The following INSR variants were observed in gnomAD, a reference collection of about 807,000 sequenced individuals.
INSR encodes the protein IR.
INSR carries 67 observed loss-of-function variants against 142.6 expected under a neutral mutation model. That is an observed-to-expected ratio of 0.47 (90% CI 0.39 to 0.58). The LOEUF (loss-of-function observed/expected upper bound fraction) is 0.58, where lower values mean the gene tolerates loss of function less well. Ranked by LOEUF, INSR falls within the 20% of genes least tolerant of loss-of-function variation. The pLI is 0.00. For synonymous variants in INSR, 756 were observed against 743.1 expected (o/e 1.02, Z -0.28); for missense variants, 1,248 against 1,833.2 (o/e 0.68, Z 5.83).
At chr19:7,282,817 C>CA (rs1165958194) in intron 1 of INSR, among the ~76,000 whole-genome samples, 3 of 149,294 alleles carry the variant, frequency 2.0e-5, no homozygotes, top group Non-Finnish European at 4.5e-5. Context: ...ACTAAAAATA[C>CA]AAAAAATTAG....
At chr19:7,241,422 G>A (rs1409656563) in intron 2 of INSR, among the ~76,000 whole-genome samples, 1 of 151,902 alleles carries the variant, frequency 6.6e-6, no homozygotes, top group Admixed American at 6.6e-5. Flanking sequence ...TCAGGAGTTC[G>A]AGACCAGCCT....
At chr19:7,260,005 A>C (rs1351772814) in intron 2 of INSR, among the ~76,000 whole-genome samples, 2 of 152,204 alleles carry the variant, frequency 1.3e-5, no homozygotes, top group East Asian at 1.9e-4. Flanking sequence ...ACTAAATAAA[A>C]ATGTAAAAAA....
intron 8 of INSR, 26 bp from the exon 9 acceptor site, chr19:7,163,225 C>T (rs757420830): frequency 1.3e-6 from 2 of 1,599,544 alleles, no homozygotes; most frequent in Non-Finnish European, 1.7e-6. Flanking sequence ...GAAATGGGTC[C>T]ATCATGAGAA....
chr19:7,195,352 G>A (rs1218587737), intron 2 of INSR, among the ~76,000 whole-genome samples: 2 of 152,074 alleles, frequency 1.3e-5, no homozygotes, highest in African/African-American at 4.8e-5. Flanking sequence ...CTTCAAAACT[G>A]CCAATGTTGG....
intron 2 of INSR, among the ~76,000 whole-genome samples, chr19:7,189,395 G>C (rs114880821): frequency 6.6e-6 from 1 of 152,186 alleles, no homozygotes; most frequent in Non-Finnish European, 1.5e-5. Context: ...TAGCTGACAG[G>C]CCTATCTGAG....
chr19:7,198,242 G>A (rs1974845536), intron 2 of INSR, among the ~76,000 whole-genome samples: 2 of 151,196 alleles, frequency 1.3e-5, no homozygotes, highest in Non-Finnish European at 3.0e-5. Flanking sequence ...ATGGGCGGGC[G>A]TGCTGCAGGG....
intron 8 of INSR, among the ~76,000 whole-genome samples, chr19:7,165,871 A>G (rs1274078256): frequency 6.6e-6 from 1 of 151,588 alleles, no homozygotes; most frequent in Non-Finnish European, 1.5e-5. Flanking sequence ...TCAAAGAAAA[A>G]AAAAAAAAAA....
intron 4 of INSR, 65 bp downstream of exon 4, chr19:7,174,518 C>T (rs1469712102): frequency 5.7e-6 from 9 of 1,587,994 alleles, no homozygotes; most frequent in Admixed American, 1.7e-5. Context: ...TTTTCTTCCC[C>T]GCTCACAGCT....
chr19:7,218,882 T>C (rs1427742839), intron 2 of INSR, among the ~76,000 whole-genome samples: 1 of 151,932 alleles, frequency 6.6e-6, no homozygotes, highest in African/African-American at 2.4e-5. Context: ...GAGGAAATCG[T>C]ATGAGGAAGT....
chr19:7,236,111 A>G (rs993546723), intron 2 of INSR, among the ~76,000 whole-genome samples: 2 of 151,328 alleles, frequency 1.3e-5, no homozygotes, highest in Admixed American at 1.3e-4. Flanking sequence ...ATAGGTGCCC[A>G]CCACCACACC....
chr19:7,236,815 A>G (rs1403345244), intron 2 of INSR, among the ~76,000 whole-genome samples: 7 of 152,084 alleles, frequency 4.6e-5, no homozygotes, highest in Non-Finnish European at 1.0e-4. Flanking sequence ...TCATGAGGTC[A>G]GGAGATCGAG....
chr19:7,229,316 GGATGGATGGATGGATA>G (rs1340247321), intron 2 of INSR, among the ~76,000 whole-genome samples: 74 of 65,934 alleles, frequency 1.1e-3, no homozygotes, highest in East Asian at 6.3e-3. Flanking sequence ...ATGGATGGAT[GGATGGATGGATGGATA>G]GATGGATGGA....
At chr19:7,148,252 A>G (rs1780650405) in intron 11 of INSR, among the ~76,000 whole-genome samples, 1 of 151,898 alleles carries the variant, frequency 6.6e-6, no homozygotes. Context: ...GCAATCCCAC[A>G]CTAACCTGGT....
intron 2 of INSR, among the ~76,000 whole-genome samples, chr19:7,252,487 A>C (rs1183933782): frequency 6.6e-6 from 1 of 152,166 alleles, no homozygotes; most frequent in Non-Finnish European, 1.5e-5. Flanking sequence ...TTTATTTGCA[A>C]ATGAGGAAAC....
chr19:7,285,404 C>G (rs1210373884), intron 1 of INSR, among the ~76,000 whole-genome samples: 1 of 152,090 alleles, frequency 6.6e-6, no homozygotes. Context: ...GAACCCAGAT[C>G]ACACCACTGC....
intron 1 of INSR, among the ~76,000 whole-genome samples, chr19:7,270,335 TCTCTCACACACACA>T (rs893281815): frequency 7.2e-5 from 6 of 83,266 alleles, no homozygotes; most frequent in African/African-American, 1.7e-4. Context: ...TCTCTCTCTC[TCTCTCACACACACA>T]CACACACACA....
intron 9 of INSR, among the ~76,000 whole-genome samples, chr19:7,153,331 C>CAACACACAACAGA (rs1186813419): frequency 3.1e-4 from 31 of 100,402 alleles, no homozygotes; most frequent in Middle Eastern, 4.7e-3. Flanking sequence ...ACCACACACA[C>CAACACACAACAGA]CCACGCCACA....
intron 1 of INSR, among the ~76,000 whole-genome samples, chr19:7,272,890 C>T (rs1017710895): frequency 2.6e-5 from 4 of 152,052 alleles, no homozygotes; most frequent in African/African-American, 9.7e-5. Flanking sequence ...AGAAGTCAAA[C>T]AGAGAAGGCC....
chr19:7,182,014 G>A (rs887377083), intron 3 of INSR, among the ~76,000 whole-genome samples: 2 of 151,818 alleles, frequency 1.3e-5, no homozygotes, highest in Admixed American at 6.6e-5. Flanking sequence ...GCCACAGTAC[G>A]ATTAAGTCTT....
Sources: allele counts gnomAD v4.1 joint callset (sites outside exome capture counted in the v4.1 genomes callset), GRCh38; gene constraint gnomAD v4.1.1; transcripts MANE v1.5; gene names NCBI Gene and HGNC (gene_info 2026-07-23, HGNC 2026-07-21).